The following DHX40 variants were observed in gnomAD, a reference collection of about 807,000 sequenced individuals.
The protein encoded by DHX40 is DEAH-box helicase 40.
DHX40 carries 28 observed loss-of-function variants against 89.6 expected under a neutral mutation model. The ratio of observed to expected loss-of-function variants is 0.31; its 90% CI spans 0.23 to 0.43. The LOEUF (loss-of-function observed/expected upper bound fraction) is 0.43. Ranked by LOEUF, DHX40 falls within the 20% of genes least tolerant of loss-of-function variation. The pLI is 1.00. For synonymous variants in DHX40, 226 were observed against 283.6 expected, an observed-to-expected ratio of 0.80 and a Z score of 2.04; for missense variants, 457 against 844.0, an observed-to-expected ratio of 0.54 and a Z score of 5.68.
intron 7 of DHX40, among the ~76,000 whole-genome samples, chr17:59,576,039 G>A (rs1237484160): frequency 5.6e-5 from 8 of 142,006 alleles, no homozygotes; most frequent in African/African-American, 1.3e-4. Flanking sequence ...GCAGGCGCTC[G>A]CCACCACACC....
At chr17:59,577,095 T>C (rs1161379356) in intron 7 of DHX40, 171 bp from the exon 8 acceptor site, 3 of 658,264 alleles carry the variant, frequency 4.6e-6, no homozygotes, top group Non-Finnish European at 5.6e-6. Flanking sequence ...GGTCTCGATA[T>C]CCTGACCTTG....
intron 13 of DHX40, among the ~76,000 whole-genome samples, chr17:59,599,121 G>A (rs1262198492): frequency 1.3e-5 from 2 of 151,874 alleles, no homozygotes; most frequent in Non-Finnish European, 2.9e-5. Flanking sequence ...ATTAAAAAAT[G>A]ATTGGATATT....
At chr17:59,605,055 C>A in intron 15 of DHX40, 60 bp from the exon 16 acceptor site, 1 of 1,363,024 alleles carries the variant, frequency 7.3e-7, no homozygotes, top group Non-Finnish European at 1.0e-6. Flanking sequence ...GAATGTAATG[C>A]TCCATTTACT....
At chr17:59,587,849 T>C in intron 11 of DHX40, 47 bp from the exon 12 acceptor site, 1 of 1,538,340 alleles carries the variant, frequency 6.5e-7, no homozygotes, top group Non-Finnish European at 8.9e-7. Flanking sequence ...GTTACATTTG[T>C]ACTCTCCTAG....
intron 2 of DHX40, among the ~76,000 whole-genome samples, chr17:59,570,298 T>A (rs1172267495): frequency 7.4e-6 from 1 of 135,258 alleles, no homozygotes; most frequent in Non-Finnish European, 1.5e-5. Context: ...TATATTTATA[T>A]ATTATATATA....
intron 4 of DHX40, 59 bp downstream of exon 4, chr17:59,573,294 T>A: frequency 6.7e-7 from 1 of 1,484,568 alleles, no homozygotes; most frequent in African/African-American, 1.4e-5. Flanking sequence ...TGGGTAGCTT[T>A]TTATTGTGTA....
intron 3 of DHX40, among the ~76,000 whole-genome samples, chr17:59,571,227 G>A (rs1308331468): frequency 1.3e-5 from 2 of 152,136 alleles, no homozygotes; most frequent in African/African-American, 2.4e-5. Flanking sequence ...GGAGGCCGAG[G>A]CGGGTGGATC....
chr17:59,566,673 T>C lies in DHX40; in HGVS notation c.159T>C (p.Phe53=). 1 of 1,604,478 alleles carries C rather than the reference T, an allele frequency of 6.2e-7. No individual in the cohort carries two copies. The change falls in exon 2 of 18, where the codon TTT becomes TTC. Residue 53 remains phenylalanine (F), a synonymous_variant. Transcript: ENST00000251241. ...TSQEGGTTPT[F]PIQKQRKKII... is the part of the protein sequence containing the mutation. ...AGGAGGGAGGAACTACTCCAACTTT[T>C]CCTATTCAGAAACAAAGAAAAAAGA...
chr17:59,607,575 CCTT>C lies in DHX40; in HGVS notation c.*407_*409del, dbSNP rs1316410177. The C allele has an allele frequency of 5.0e-6, 2 of 400,578 alleles. No individual in the cohort carries two copies. Among genetic ancestry groups the C allele is most frequent in the Non-Finnish European group, 9.1e-6 (2 of 220,986 alleles). The allele number at this position is 400,578 out of a possible 1,614,324, so 24.8% of individuals were successfully genotyped here. A position where few individuals can be genotyped will look rare whatever the true frequency, so the allele number is the denominator to read the frequency against. On this transcript the variant is annotated 3_prime_UTR_variant, in exon 18 of 18. Coordinates refer to ENST00000251241, the MANE Select transcript of DHX40 (RefSeq NM_024612.5). ...TATTTTTCTTAAAATCTCTTTAAGG[CCTT>C]CTTGTTGCTGTTAGAATAGTGCTAT... is the stretch of plus-strand genomic sequence containing the variant.
At chr17:59,588,242 C>CAAAAA (rs1198855530) in intron 12 of DHX40, among the ~76,000 whole-genome samples, 189 bp downstream of exon 12, 245 of 136,506 alleles carry the variant, frequency 1.8e-3, no homozygotes, top group Middle Eastern at 3.8e-3. Flanking sequence ...AAAAAAAAAA[C>CAAAAA]CAAAAACAAA....
intron 2 of DHX40, among the ~76,000 whole-genome samples, chr17:59,570,315 A>G (rs1315949070): frequency 7.2e-6 from 1 of 138,872 alleles, no homozygotes; most frequent in Non-Finnish European, 1.5e-5. Flanking sequence ...TATATAATAT[A>G]TTTTTGCATG....
intron 2 of DHX40, among the ~76,000 whole-genome samples, chr17:59,570,144 A>G (rs1353103361): frequency 1.5e-5 from 2 of 129,906 alleles, no homozygotes; most frequent in Non-Finnish European, 3.1e-5. Flanking sequence ...AATATATTAT[A>G]AATTATATAA....
At chr17:59,606,949 A>C (rs2030898420) in intron 17 of DHX40, 84 bp from the exon 18 acceptor site, 1 of 1,306,022 alleles carries the variant, frequency 7.7e-7, no homozygotes, top group African/African-American at 1.5e-5. Flanking sequence ...TAACACTGAA[A>C]AATCAGGGCT....
chr17:59,565,750 G>GA lies in DHX40; in HGVS notation c.80dup (p.Arg28AlafsTer10). ...TGAGCGGTCAAGAGACCTCCAGGAA[G>GA]AGCGGCTCTCGGCTGTTTGCATCGC... On this transcript the variant is annotated frameshift_variant, in exon 1 of 18. Transcript: ENST00000251241. LOFTEE classifies it high-confidence loss of function. 1 of 1,605,388 alleles carries GA rather than the reference G, an allele frequency of 6.2e-7. No homozygotes were observed. Among genetic ancestry groups the GA allele is most frequent in the Non-Finnish European group, 8.5e-7 (1 of 1,179,484 alleles).
At chr17:59,574,528 G>A (rs2048854302) in intron 6 of DHX40, among the ~76,000 whole-genome samples, 1 of 151,066 alleles carries the variant, frequency 6.6e-6, no homozygotes, top group Admixed American at 6.6e-5. Context: ...AGTAGTATAT[G>A]TCAAAGACGT....
At chr17:59,577,761 T>C (rs1191283954) in intron 8 of DHX40, among the ~76,000 whole-genome samples, 2 of 152,152 alleles carry the variant, frequency 1.3e-5, no homozygotes, top group African/African-American at 4.8e-5. Flanking sequence ...CTGTTCACAC[T>C]TTTTAACTAC....
intron 12 of DHX40, 103 bp downstream of exon 12, chr17:59,588,156 G>A (rs1319562494): frequency 6.0e-6 from 9 of 1,499,348 alleles, no homozygotes; most frequent in Non-Finnish European, 8.1e-6. Flanking sequence ...CAAGGCAGGT[G>A]GATTGCTTGA....
In DHX40 at chr17:59,597,808, G is replaced by A. The variant is rs1028037406; in HGVS notation, c.1583-929G>A. ...AAATTAGCCGGGCGCGGTGGCGGGCGCCTGTAGTCCCAGCTACTCGGGAGG... is the reference window on the plus strand; with the variant it reads ...AAATTAGCCGGGCGCGGTGGCGGGCACCTGTAGTCCCAGCTACTCGGGAGG... On this transcript the variant is annotated intron_variant, in intron 12 of 17. Transcript: ENST00000251241. 2.0e-3 allele frequency among the ~76,000 whole-genome samples: 306 copies of A among 151,440 alleles called. 4 individuals are homozygous for A. The highest frequency in any genetic ancestry group is 0.017 in the East Asian group (82 of 4,932).
At chr17:59,604,905 A>G (rs529667412) in intron 15 of DHX40, 1 of 536,688 alleles carries the variant, frequency 1.9e-6, no homozygotes, top group South Asian at 2.5e-5. Flanking sequence ...GTAGTGACTT[A>G]TACCTAATTG....
Sources: gnomAD v4.1 joint callset for allele counts (sites outside exome capture counted in the v4.1 genomes callset) on GRCh38, gnomAD v4.1.1 for gene constraint, MANE v1.5 for transcripts, NCBI Gene and HGNC (gene_info 2026-07-23, HGNC 2026-07-21) for gene names.